Variants in BRINP1 observed in about 807,000 individuals in gnomAD.
BRINP1 encodes the protein BMP/retinoic acid-inducible neural-specific protein 1.
In BRINP1, 17 loss-of-function variants were observed where a neutral mutation model predicts 72.9. That is an observed-to-expected ratio of 0.23 (90% CI 0.16 to 0.35). BRINP1 has a LOEUF of 0.35. Ranked by LOEUF, BRINP1 falls within the 10% of genes least tolerant of loss-of-function variation. The pLI is 1.00. For synonymous variants in BRINP1, 418 were observed against 378.5 expected (o/e 1.10, Z -1.21); for missense variants, 850 against 1,001.6 (o/e 0.85, Z 2.04).
At chr9:119,302,468 A>G (rs1254787378) in intron 2 of BRINP1, among the ~76,000 whole-genome samples, 2 of 152,154 alleles carry the variant, frequency 1.3e-5, no homozygotes, top group African/African-American at 4.8e-5. Flanking sequence ...TACTTATTAA[A>G]TAGTGTTATT....
intron 5 of BRINP1, among the ~76,000 whole-genome samples, chr9:119,215,313 C>T (rs916018824): frequency 6.6e-6 from 1 of 152,162 alleles, no homozygotes; most frequent in Non-Finnish European, 1.5e-5. Context: ...ATGAGCACTA[C>T]TCTGGTACCT....
At chr9:119,253,069 G>A (rs1830409507) in intron 2 of BRINP1, among the ~76,000 whole-genome samples, 1 of 152,106 alleles carries the variant, frequency 6.6e-6, no homozygotes, top group African/African-American at 2.4e-5. Context: ...TCAGTAACTG[G>A]GGATGTTACC....
At chr9:119,201,092 A>G (rs1829800897) in intron 7 of BRINP1, among the ~76,000 whole-genome samples, 2 of 152,238 alleles carry the variant, frequency 1.3e-5, no homozygotes, top group South Asian at 2.1e-4. Flanking sequence ...AGCAGTAAGT[A>G]GTAACCAAAA....
chr9:119,243,538 G>T (rs1830281080), intron 3 of BRINP1, among the ~76,000 whole-genome samples: 1 of 152,114 alleles, frequency 6.6e-6, no homozygotes, highest in African/African-American at 2.4e-5. Context: ...CTTTGTAATA[G>T]AATGATTTAT....
chr9:119,252,298 C>T (rs550642985), intron 2 of BRINP1, among the ~76,000 whole-genome samples: 1 of 152,250 alleles, frequency 6.6e-6, no homozygotes, highest in African/African-American at 2.4e-5. Context: ...TGGTAACAAA[C>T]CCAGAGACAG....
chr9:119,265,824 G>A (rs991492149), intron 2 of BRINP1, among the ~76,000 whole-genome samples: 2 of 152,024 alleles, frequency 1.3e-5, no homozygotes, highest in African/African-American at 4.8e-5. Context: ...AGCTCATTTT[G>A]CCACCCAGGT....
intron 5 of BRINP1, among the ~76,000 whole-genome samples, chr9:119,220,020 G>C (rs1447864313): frequency 6.6e-6 from 1 of 152,090 alleles, no homozygotes; most frequent in Admixed American, 6.6e-5. Flanking sequence ...TCTTTTGTTT[G>C]TTTGCTTACA....
At chr9:119,215,004 T>A (rs1248748035) in intron 5 of BRINP1, among the ~76,000 whole-genome samples, 2 of 152,182 alleles carry the variant, frequency 1.3e-5, no homozygotes, top group Non-Finnish European at 2.9e-5. Context: ...CATTATTCTG[T>A]GGATCATAGG....
At chr9:119,204,891 C>G (rs371641331) in intron 7 of BRINP1, among the ~76,000 whole-genome samples, 6 of 152,350 alleles carry the variant, frequency 3.9e-5, no homozygotes, top group African/African-American at 1.2e-4. Flanking sequence ...CTTTCCCTCT[C>G]CCACCTTACC....
chr9:119,340,625 A>C (rs1329553889), intron 1 of BRINP1, among the ~76,000 whole-genome samples: 1 of 152,204 alleles, frequency 6.6e-6, no homozygotes, highest in African/African-American at 2.4e-5. Context: ...AGTCACTGAT[A>C]CTCTCCAAAC....
intron 6 of BRINP1, among the ~76,000 whole-genome samples, 182 bp from the exon 7 acceptor site, chr9:119,209,123 A>G (rs1299080113): frequency 6.6e-6 from 1 of 152,178 alleles, no homozygotes. Context: ...AAAAGCTACT[A>G]TGCTTTCTTA....
intron 1 of BRINP1, among the ~76,000 whole-genome samples, chr9:119,350,603 T>C (rs1204419738): frequency 6.6e-6 from 1 of 151,992 alleles, no homozygotes; most frequent in Non-Finnish European, 1.5e-5. Context: ...TCCACATGTA[T>C]TAAGAAATAC....
intron 7 of BRINP1, among the ~76,000 whole-genome samples, chr9:119,194,226 A>C (rs1829710057): frequency 6.6e-6 from 1 of 152,184 alleles, no homozygotes; most frequent in Non-Finnish European, 1.5e-5. Context: ...TAATATAATA[A>C]TTGGTATTTT....
chr9:119,312,996 A>AAT, intron 2 of BRINP1, 142 bp downstream of exon 2: 1 of 849,548 alleles, frequency 1.2e-6, no homozygotes, highest in Non-Finnish European at 1.8e-6. Flanking sequence ...GAAAAAAAAA[A>AAT]TTAATCAAAA....
intron 1 of BRINP1, among the ~76,000 whole-genome samples, chr9:119,321,391 C>T (rs183863810): frequency 1.6e-4 from 25 of 152,266 alleles, no homozygotes; most frequent in South Asian, 6.2e-4. Flanking sequence ...CAAGAGCTTT[C>T]GATGTGGCTA....
chr9:119,300,295 C>CT lies in BRINP1; in HGVS notation c.218+12842dup, dbSNP rs1034458635. ...AAAAATAGAAAAAATTTTAAAAAGA[C>CT]TTAGTATTTGCTAACACAAAGTGAC... On this transcript the variant is annotated intron_variant, in intron 2 of 7. Transcript: ENST00000265922. Among the ~76,000 whole-genome samples the CT allele has an allele frequency of 7.2e-5, 11 of 152,206 alleles. No individual in the cohort carries two copies. In the South Asian group the frequency reaches 8.3e-4, roughly 12 times the overall value.
At chr9:119,182,598 G>C (rs898928717) in intron 7 of BRINP1, among the ~76,000 whole-genome samples, 4 of 152,210 alleles carry the variant, frequency 2.6e-5, no homozygotes, top group Non-Finnish European at 4.4e-5. Context: ...AAACACAAGA[G>C]AGACTCCTTG....
At chr9:119,267,551 G>A (rs1204107311) in intron 2 of BRINP1, among the ~76,000 whole-genome samples, 1 of 151,620 alleles carries the variant, frequency 6.6e-6, no homozygotes, top group East Asian at 1.9e-4. Flanking sequence ...CAGGAGAATC[G>A]CTTGAACCCA....
chr9:119,216,147 A>C (rs1392269833), intron 5 of BRINP1, among the ~76,000 whole-genome samples: 1 of 152,190 alleles, frequency 6.6e-6, no homozygotes, highest in African/African-American at 2.4e-5. Context: ...GTTTAACAAA[A>C]CCTTCAGGAT....
Sources: gnomAD v4.1 joint callset for allele counts (sites outside exome capture counted in the v4.1 genomes callset) on GRCh38, gnomAD v4.1.1 for gene constraint, MANE v1.5 for transcripts, NCBI Gene and HGNC (gene_info 2026-07-23, HGNC 2026-07-21) for gene names.